Variants in PTPRN2 observed in about 807,000 individuals in gnomAD.
PTPRN2 encodes the protein receptor-type tyrosine-protein phosphatase N2.
Under a neutral mutation model 118.8 loss-of-function variants are expected in PTPRN2, and 74 were observed. The observed-to-expected ratio is 0.62, with a 90% confidence interval of 0.52 to 0.76. The LOEUF (loss-of-function observed/expected upper bound fraction) is 0.76. Ranked by LOEUF, PTPRN2 falls within the 30% of genes least tolerant of loss-of-function variation. The pLI, the probability that PTPRN2 is intolerant of heterozygous loss-of-function variation, is 0.00. For synonymous variants in PTPRN2, 641 were observed against 608.0 expected (o/e 1.05, Z -0.80); for missense variants, 1,481 against 1,394.4 (o/e 1.06, Z -0.99).
At chr7:157,655,648 C>A (rs966967517) in intron 14 of PTPRN2, among the ~76,000 whole-genome samples, 1 of 152,154 alleles carries the variant, frequency 6.6e-6, no homozygotes, top group Non-Finnish European at 1.5e-5. Context: ...GTCTCCAGTG[C>A]GGGAAACAGC....
At chr7:158,248,357 C>T (rs1156314387) in intron 3 of PTPRN2, among the ~76,000 whole-genome samples, 1 of 152,156 alleles carries the variant, frequency 6.6e-6, no homozygotes, top group Admixed American at 6.5e-5. Flanking sequence ...AGTGGGGTAC[C>T]CCGACCACGT....
chr7:158,458,873 C>T (rs1818737003), intron 2 of PTPRN2, among the ~76,000 whole-genome samples: 1 of 152,190 alleles, frequency 6.6e-6, no homozygotes, highest in South Asian at 2.1e-4. Context: ...GATCCCAGGG[C>T]CCCCTGAGGA....
intron 3 of PTPRN2, among the ~76,000 whole-genome samples, chr7:158,245,173 T>C (rs112740686): frequency 5.0e-5 from 5 of 100,288 alleles, no homozygotes; most frequent in African/African-American, 1.9e-4. Flanking sequence ...CCGGAATCCA[T>C]GGCCATGCCG....
rs115561788 is a variant in PTPRN2 at position 158,301,795 on chromosome 7, C to T, written c.277+15024G>A. On this transcript the variant is annotated intron_variant, in intron 3 of 22. Coordinates refer to ENST00000389418, the MANE Select transcript of PTPRN2 (RefSeq NM_002847.5). Reference sequence around the variant, plus strand: ...AAAACCCCATCTCTGCCAAAAAATACGAAAATTAGCTGGGCATGGTGGTTT... The same window carrying T: ...AAAACCCCATCTCTGCCAAAAAATATGAAAATTAGCTGGGCATGGTGGTTT... 8.3e-3 allele frequency among the ~76,000 whole-genome samples: 1,256 copies of T among 152,166 alleles called. 26 individuals are homozygous for T. Among genetic ancestry groups the T allele is most frequent in the African/African-American group, 0.028 (1,152 of 41,512 alleles).
At chr7:157,718,441 G>C (rs1057183174) in intron 12 of PTPRN2, among the ~76,000 whole-genome samples, 1 of 152,206 alleles carries the variant, frequency 6.6e-6, no homozygotes, top group Non-Finnish European at 1.5e-5. Context: ...GCTTCACAGG[G>C]CGTGTTTGGA....
At position 157,587,327 on chromosome 7, in the gene PTPRN2, ACAGT is replaced by A. The variant is rs1800740335; in HGVS notation, c.2496+7907_2496+7910del. The stretch of plus-strand genomic sequence containing the variant: ...GGGTGGTGGGCGGCCCTGCACGGTG[ACAGT>A]CAGCTGTCAACTGTCATTCTCCTGC... On this transcript the variant is annotated intron_variant, in intron 17 of 22. Coordinates refer to ENST00000389418, the MANE Select transcript of PTPRN2 (RefSeq NM_002847.5). The surrounding 1 kb of genome is among the most constrained non-coding windows in gnomAD (Gnocchi z 5.3). Among the ~76,000 whole-genome samples the A allele has an allele frequency of 1.3e-5, 2 of 152,160 alleles. No homozygotes were observed. The highest frequency in any genetic ancestry group is 4.1e-4 in the South Asian group (2 of 4,824).
intron 11 of PTPRN2, among the ~76,000 whole-genome samples, chr7:157,904,973 C>G (rs1797690002): frequency 6.6e-6 from 1 of 152,200 alleles, no homozygotes; most frequent in African/African-American, 2.4e-5. Context: ...CCGACACCTC[C>G]CGACATTATT....
chr7:157,955,435 C>T (rs1264919369), intron 11 of PTPRN2, among the ~76,000 whole-genome samples: 3 of 151,968 alleles, frequency 2.0e-5, no homozygotes, highest in African/African-American at 7.3e-5. Context: ...CATCAGCAGC[C>T]AGGGGAGGGC....
At chr7:158,560,864 G>C (rs1730042729) in intron 1 of PTPRN2, among the ~76,000 whole-genome samples, 1 of 152,256 alleles carries the variant, frequency 6.6e-6, no homozygotes, top group Admixed American at 6.5e-5. Flanking sequence ...CAGGGTACAG[G>C]TTAAAAAACC....
At position 157,763,159 on chromosome 7, in the gene PTPRN2, T is replaced by C. The variant is rs1438667612; in HGVS notation, c.1789-80222A>G. 6.6e-6 allele frequency among the ~76,000 whole-genome samples: 1 copy of C among 152,122 alleles called. No homozygotes were observed. Among genetic ancestry groups the C allele is most frequent in the African/African-American group, 2.4e-5 (1 of 41,428 alleles). On this transcript the variant is annotated intron_variant, in intron 12 of 22. Transcript: ENST00000389418. The surrounding 1 kb of genome is among the most constrained non-coding windows in gnomAD (Gnocchi z 4.9). ...AGGGTTAACCCTCCATCAGAGCCCA[T>C]GGCTGCCCACTCACAGGCACAGAGT...
intron 9 of PTPRN2, among the ~76,000 whole-genome samples, chr7:158,123,013 C>T (rs1261730003): frequency 6.6e-6 from 1 of 152,212 alleles, no homozygotes; most frequent in African/African-American, 2.4e-5. Flanking sequence ...TGCAGCTTCA[C>T]CAGCCCGATC....
chr7:158,016,596 T>A (rs889363189), intron 11 of PTPRN2, among the ~76,000 whole-genome samples: 1 of 152,236 alleles, frequency 6.6e-6, no homozygotes, highest in African/African-American at 2.4e-5. Flanking sequence ...GGCATTAATT[T>A]AAAATATTTT....
At chr7:158,416,950 G>T (rs1420229692) in intron 2 of PTPRN2, among the ~76,000 whole-genome samples, 4 of 152,218 alleles carry the variant, frequency 2.6e-5, no homozygotes. Context: ...CAAGCCATGG[G>T]GAGAATGCTC....
chr7:158,550,742 G>A (rs912263271), intron 1 of PTPRN2, among the ~76,000 whole-genome samples: 3 of 152,188 alleles, frequency 2.0e-5, no homozygotes, highest in African/African-American at 4.8e-5. Context: ...CATAGGCGTC[G>A]TTAATGGGCT....
At chr7:158,379,140 G>A (rs893362906) in intron 2 of PTPRN2, among the ~76,000 whole-genome samples, 8 of 152,170 alleles carry the variant, frequency 5.3e-5, no homozygotes, top group African/African-American at 1.9e-4. Flanking sequence ...CCCCAGAGTG[G>A]GGAAGGCTCA....
At chr7:158,193,685 C>A (rs996317471) in intron 4 of PTPRN2, among the ~76,000 whole-genome samples, 16 of 152,064 alleles carry the variant, frequency 1.1e-4, no homozygotes, top group Admixed American at 6.5e-5. Context: ...CCCAGCTCAC[C>A]CGCAGACTCT....
intron 11 of PTPRN2, among the ~76,000 whole-genome samples, chr7:158,062,957 C>T (rs1250257614): frequency 6.6e-6 from 1 of 152,238 alleles, no homozygotes; most frequent in Non-Finnish European, 1.5e-5. Context: ...GGAGTGTGGG[C>T]TCACGGTGCA....
At chr7:158,072,028 G>A (rs1412656452) in intron 11 of PTPRN2, among the ~76,000 whole-genome samples, 2 of 141,978 alleles carry the variant, frequency 1.4e-5, no homozygotes, top group Non-Finnish European at 3.1e-5. Context: ...AGGTGCTCAT[G>A]GTGGAGGTGC....
At chr7:158,532,418 T>C (rs1049431011) in intron 1 of PTPRN2, among the ~76,000 whole-genome samples, 14 of 152,094 alleles carry the variant, frequency 9.2e-5, no homozygotes, top group Non-Finnish European at 1.5e-4. Context: ...ATCAGAGCAT[T>C]CCAGTCACGT....
Sources: gnomAD v4.1 joint callset for allele counts (sites outside exome capture counted in the v4.1 genomes callset) on GRCh38, gnomAD v4.1.1 for gene constraint, Gnocchi (gnomAD v3.1) non-coding constraint, MANE v1.5 for transcripts, NCBI Gene and HGNC (gene_info 2026-07-23, HGNC 2026-07-21) for gene names.